The following ZPBP variants were observed in gnomAD, a reference collection of about 807,000 sequenced individuals.
ZPBP encodes the protein zona pellucida-binding protein 1.
Under a neutral mutation model 44.8 loss-of-function variants are expected in ZPBP, and 26 were observed. That is an observed-to-expected ratio of 0.58 (90% CI 0.43 to 0.81). The LOEUF is 0.81. Among genes scored for constraint, ZPBP ranks in the 30% least tolerant of loss-of-function variants. The pLI is 0.00. For synonymous variants in ZPBP, 174 were observed against 153.2 expected (o/e 1.14, Z -1.00); for missense variants, 409 against 434.0 (o/e 0.94, Z 0.51).
chr7:50,047,876 A>G (rs1800466661), intron 4 of ZPBP, among the ~76,000 whole-genome samples: 1 of 152,174 alleles, frequency 6.6e-6, no homozygotes, highest in South Asian at 2.1e-4. Flanking sequence ...CAGTGGGTGG[A>G]GTGCGCGAGG....
intron 4 of ZPBP, 23 bp downstream of exon 4, chr7:50,057,966 A>G: frequency 6.3e-7 from 1 of 1,597,900 alleles, no homozygotes; most frequent in African/African-American, 1.3e-5. Flanking sequence ...AAAGGTTAAA[A>G]CACAACTAAC....
At chr7:49,941,052 T>C (rs1214185514) in intron 7 of ZPBP, among the ~76,000 whole-genome samples, 1 of 152,054 alleles carries the variant, frequency 6.6e-6, no homozygotes, top group East Asian at 1.9e-4. Context: ...GAAAAGATGT[T>C]CCACATCACT....
intron 4 of ZPBP, among the ~76,000 whole-genome samples, chr7:50,040,968 G>C (rs547746211): frequency 7.2e-5 from 11 of 152,260 alleles, no homozygotes; most frequent in Admixed American, 5.2e-4. Flanking sequence ...CAAGCTTGGT[G>C]GGGGGAGGGG....
intron 2 of ZPBP, among the ~76,000 whole-genome samples, chr7:49,869,976 G>T (rs1413747185): frequency 6.6e-6 from 1 of 152,136 alleles, no homozygotes; most frequent in East Asian, 1.9e-4. Flanking sequence ...CTGAATAAAA[G>T]AAACTTGGAA....
chr7:49,894,510 C>T (rs941534966), intron 2 of ZPBP, among the ~76,000 whole-genome samples: 2 of 152,240 alleles, frequency 1.3e-5, no homozygotes, highest in Non-Finnish European at 2.9e-5. Flanking sequence ...AATTTATCCA[C>T]CAACTCAGCT....
At chr7:49,890,923 T>TTA (rs537526987) in intron 2 of ZPBP, among the ~76,000 whole-genome samples, 2 of 150,020 alleles carry the variant, frequency 1.3e-5, no homozygotes, top group East Asian at 3.9e-4. Context: ...TAAACAGGCA[T>TTA]AAAAAAAAGG....
At chr7:50,065,430 T>G (rs1456191454) in intron 3 of ZPBP, among the ~76,000 whole-genome samples, 1 of 150,600 alleles carries the variant, frequency 6.6e-6, no homozygotes, top group African/African-American at 2.5e-5. Context: ...CTCCGTAGAG[T>G]TTTGTTATTA....
intron 7 of ZPBP, among the ~76,000 whole-genome samples, chr7:49,977,340 C>T (rs189962252): frequency 6.6e-6 from 1 of 151,928 alleles, no homozygotes; most frequent in East Asian, 1.9e-4. Context: ...GTAGTGAAAA[C>T]GACGCAAAGG....
At chr7:49,984,766 G>A (rs919585477) in intron 6 of ZPBP, among the ~76,000 whole-genome samples, 3 of 152,046 alleles carry the variant, frequency 2.0e-5, no homozygotes, top group African/African-American at 7.2e-5. Context: ...CCTAGTATAA[G>A]GTATATATGA....
chr7:49,879,969 CTG>C (rs1791599276), intron 2 of ZPBP, among the ~76,000 whole-genome samples: 3 of 152,122 alleles, frequency 2.0e-5, no homozygotes, highest in Non-Finnish European at 4.4e-5. Context: ...ATTCTTCTCT[CTG>C]TTTTATTGTT....
At chr7:49,880,119 T>C (rs182762396) in intron 2 of ZPBP, among the ~76,000 whole-genome samples, 2 of 152,332 alleles carry the variant, frequency 1.3e-5, no homozygotes, top group Admixed American at 1.3e-4. Flanking sequence ...CAAAGTGTTT[T>C]TGTTTCATTT....
chr7:50,091,937 A>C (rs941423066), intron 1 of ZPBP, among the ~76,000 whole-genome samples: 5 of 152,098 alleles, frequency 3.3e-5, no homozygotes, highest in African/African-American at 1.2e-4. Context: ...ATCACTTTAA[A>C]CTCTAGGAGC....
intron 4 of ZPBP, among the ~76,000 whole-genome samples, chr7:50,056,923 T>A (rs148073580): frequency 6.6e-6 from 1 of 152,062 alleles, no homozygotes; most frequent in African/African-American, 2.4e-5. Context: ...TGGTGGCTCA[T>A]GCCTGTAATC....
At chr7:49,943,692 C>A in intron 7 of ZPBP, 1 of 265,624 alleles carries the variant, frequency 3.8e-6, no homozygotes, top group South Asian at 4.2e-5. Flanking sequence ...TAACGTGTTC[C>A]CAGGGTTTAT....
At chr7:49,889,666 G>T (rs1028773853) in intron 2 of ZPBP, among the ~76,000 whole-genome samples, 1 of 152,190 alleles carries the variant, frequency 6.6e-6, no homozygotes, top group African/African-American at 2.4e-5. Context: ...TTTGCCCTAG[G>T]AGCTCCTCAA....
At chr7:50,045,053 T>C (rs950962613) in intron 4 of ZPBP, among the ~76,000 whole-genome samples, 1 of 152,180 alleles carries the variant, frequency 6.6e-6, no homozygotes, top group Non-Finnish European at 1.5e-5. Flanking sequence ...AAAAACCACA[T>C]GATTATCTCA....
intron 7 of ZPBP, among the ~76,000 whole-genome samples, chr7:49,947,381 T>C (rs148762773): frequency 1.3e-3 from 196 of 152,268 alleles, no homozygotes; most frequent in African/African-American, 4.6e-3. Flanking sequence ...AGTGTTGTGA[T>C]TGAAGTCTTT....
intron 4 of ZPBP, among the ~76,000 whole-genome samples, chr7:50,034,182 G>A (rs887285763): frequency 1.3e-5 from 2 of 150,514 alleles, no homozygotes; most frequent in Non-Finnish European, 3.0e-5. Flanking sequence ...TGTTTTTGAG[G>A]GTTTTTTTTT....
chr7:49,951,897 A>T (rs1021931215), intron 7 of ZPBP, among the ~76,000 whole-genome samples: 1 of 151,898 alleles, frequency 6.6e-6, no homozygotes, highest in Non-Finnish European at 1.5e-5. Context: ...ATAAGAAAGA[A>T]TGTAGCACTG....
Sources: gnomAD v4.1 joint callset for allele counts (sites outside exome capture counted in the v4.1 genomes callset) on GRCh38, gnomAD v4.1.1 for gene constraint, MANE v1.5 for transcripts, NCBI Gene and HGNC (gene_info 2026-07-23, HGNC 2026-07-21) for gene names.